ATG101: variants seen among roughly 807,000 people sequenced by gnomAD.
The protein encoded by ATG101 is autophagy related 101.
A neutral mutation model predicts 16.7 loss-of-function variants in ATG101; 6 were observed. That is an observed-to-expected ratio of 0.36 (90% CI 0.20 to 0.71). The LOEUF is 0.71. ATG101 is among the 30% of genes least tolerant of loss of function. ATG101 has a pLI of 0.57. For missense variants in ATG101, 200 were observed against 292.5 expected, an observed-to-expected ratio of 0.68 and a Z score of 2.31; for synonymous variants, 108 against 118.1, an observed-to-expected ratio of 0.91 and a Z score of 0.56.
At chr12:52,076,437 G>A (rs527834682) in intron 3 of ATG101, among the ~76,000 whole-genome samples, 3 of 152,222 alleles carry the variant, frequency 2.0e-5, no homozygotes, top group Non-Finnish European at 4.4e-5. Context: ...CTTGGTGAAA[G>A]CTGATGGGGT....
rs1176527903 is a variant in ATG101 at position 52,077,349 on chromosome 12, C to T, written c.*159C>T. ...TTCTTGGTTTTGTGGTTGCCAGCCT[C>T]AGGTCATCCTTTTAATCTTTGCTGA... On this transcript the variant is annotated 3_prime_UTR_variant, in exon 4 of 4. Transcript: ENST00000336854. 2.5e-6 allele frequency: 2 copies of T among 787,176 alleles called. No individual in the cohort carries two copies. The highest frequency in any genetic ancestry group is 3.9e-6 in the Non-Finnish European group (2 of 507,544). The allele number at this position is 787,176 out of a possible 1,614,324, so 48.8% of individuals were successfully genotyped here.
At chr12:52,070,571 T>C (rs926817551) in intron 2 of ATG101, 88 bp downstream of exon 2, 4 of 152,398 alleles carry the variant, frequency 2.6e-5, no homozygotes, top group African/African-American at 9.6e-5. Context: ...GGGACGAGAC[T>C]TTCCAGACCC....
upstream of ATG101, among the ~76,000 whole-genome samples, chr12:52,066,240 G>C (rs1461022628): frequency 6.6e-6 from 1 of 152,166 alleles, no homozygotes; most frequent in African/African-American, 2.4e-5. Context: ...GAAAGCTGAT[G>C]GTGTCATTGC....
At chr12:52,073,477 G>T in intron 2 of ATG101, 98 bp from the exon 3 acceptor site, 3 of 755,908 alleles carry the variant, frequency 4.0e-6, no homozygotes. Context: ...TGCAGAGAAG[G>T]GCCAGTGGAG....
At chr12:52,073,976 T>G in intron 3 of ATG101, 74 bp downstream of exon 3, 2 of 1,569,250 alleles carry the variant, frequency 1.3e-6, no homozygotes, top group Non-Finnish European at 8.7e-7. Context: ...GCTCCTCCAC[T>G]CCAGCTTGGT....
At chr12:52,068,102 C>T (rs571353932), upstream of ATG101, among the ~76,000 whole-genome samples, 2 of 150,390 alleles carry the variant, frequency 1.3e-5, no homozygotes, top group Non-Finnish European at 3.0e-5. Flanking sequence ...GCTGGAGTGC[C>T]GTGGTGCAGT....
intron 3 of ATG101, among the ~76,000 whole-genome samples, chr12:52,076,511 C>G (rs1939732974): frequency 6.6e-6 from 1 of 152,160 alleles, no homozygotes; most frequent in South Asian, 2.1e-4. Context: ...TGCCTGCAGA[C>G]CAGTAGTTAT....
At chr12:52,075,865 A>T (rs1939722680) in intron 3 of ATG101, among the ~76,000 whole-genome samples, 1 of 152,210 alleles carries the variant, frequency 6.6e-6, no homozygotes, top group South Asian at 2.1e-4. Context: ...CTTAGCTCAT[A>T]AAAGAGACTG....
chr12:52,072,514 G>T (rs1052355107), intron 2 of ATG101, among the ~76,000 whole-genome samples: 1 of 152,176 alleles, frequency 6.6e-6, no homozygotes, highest in Admixed American at 6.5e-5. Flanking sequence ...TACTGTAGTG[G>T]TCTTTAACTG....
At chr12:52,073,932 G>A (rs915143859) in intron 3 of ATG101, 30 bp downstream of exon 3, 3 of 1,609,110 alleles carry the variant, frequency 1.9e-6, no homozygotes, top group East Asian at 2.2e-5. Flanking sequence ...CAAGGTAAGG[G>A]TGTGGCATAG....
chr12:52,065,498 G>A (rs1939539920), upstream of ATG101, among the ~76,000 whole-genome samples: 1 of 149,892 alleles, frequency 6.7e-6, no homozygotes, highest in Admixed American at 6.7e-5. Context: ...CACAATCCCA[G>A]TTTTTTAACC....
In ATG101 at chr12:52,073,880, G is replaced by T; in HGVS notation, c.230G>T (p.Arg77Leu). Reference sequence around the variant, plus strand: ...TCTGAGGAACTGGATCGTGCCCTGCGCAAGGTTGTTGGGGAGTTCAAGGTA... The same window carrying T: ...TCTGAGGAACTGGATCGTGCCCTGCTCAAGGTTGTTGGGGAGTTCAAGGTA... ...VSSEELDRALRKVVGEFKDAL... is the reference protein window; with the variant it reads ...VSSEELDRALLKVVGEFKDAL... The change falls in exon 3 of 4, where the codon CGC becomes CTC. Residue 77 changes from arginine to leucine, a missense_variant. Arg to Leu is a moderately radical substitution (Grantham distance 102). Transcript: ENST00000336854. 6.2e-7 allele frequency: 1 copy of T among 1,614,172 alleles called. No homozygotes were observed. The highest frequency in any genetic ancestry group is 1.1e-5 in the South Asian group (1 of 91,084).
chr12:52,069,018 A>AAAAAAAAAAAAAAC (rs1939591477), upstream of ATG101, among the ~76,000 whole-genome samples: 1 of 147,168 alleles, frequency 6.8e-6, no homozygotes. Context: ...AAAAAAAAAA[A>AAAAAAAAAAAAAAC]AAAATACTGC....
intron 2 of ATG101, among the ~76,000 whole-genome samples, chr12:52,072,418 G>C (rs1939664885): frequency 6.6e-6 from 1 of 152,240 alleles, no homozygotes; most frequent in Non-Finnish European, 1.5e-5. Flanking sequence ...CATAGAGCAA[G>C]ATGTAGATGA....
upstream of ATG101, among the ~76,000 whole-genome samples, chr12:52,068,990 C>CAAAAAAAAAAAAAA (rs869030833): frequency 1.8e-4 from 6 of 33,518 alleles, 1 homozygote; most frequent in South Asian, 1.3e-3. Flanking sequence ...GACGCCGTCT[C>CAAAAAAAAAAAAAA]AAAAAAAAAA....
upstream of ATG101, among the ~76,000 whole-genome samples, chr12:52,068,210 C>CTT (rs527347370): frequency 9.7e-5 from 13 of 134,668 alleles, no homozygotes; most frequent in South Asian, 4.8e-4. Flanking sequence ...CCACACCTGG[C>CTT]TTTTTTTTTT....
At position 52,076,894 on chromosome 12, in the gene ATG101, G is replaced by A; in HGVS notation, c.361G>A (p.Val121Met). The A allele has an allele frequency of 6.2e-7, 1 of 1,614,236 alleles. No homozygotes were observed. The highest frequency in any genetic ancestry group is 8.5e-7 in the Non-Finnish European group (1 of 1,180,044). Residue 121 changes from valine to methionine, a missense_variant, in exon 4 of 4, where the codon GTG becomes ATG. Val to Met is a conservative substitution (Grantham distance 21). Coordinates refer to ENST00000336854, the MANE Select transcript of ATG101 (RefSeq NM_021934.5). ...CTCAGACGAGTGCATCCCATGGGAA[G>A]TGTGGACGGTCAAGGTGCATGTGGT... ...PFSDECIPWE[V>M]WTVKVHVVAL...
intron 2 of ATG101, among the ~76,000 whole-genome samples, chr12:52,072,181 C>T (rs1939660793): frequency 6.6e-6 from 1 of 152,180 alleles, no homozygotes; most frequent in Non-Finnish European, 1.5e-5. Context: ...TCAAGGTAGC[C>T]ATTATTATCT....
At chr12:52,068,027 A>C (rs565922127), upstream of ATG101, among the ~76,000 whole-genome samples, 9 of 152,030 alleles carry the variant, frequency 5.9e-5, no homozygotes, top group African/African-American at 1.9e-4. Context: ...TGGGAAATAA[A>C]AGCATGTGTT....
Sources: allele counts gnomAD v4.1 joint callset (sites outside exome capture counted in the v4.1 genomes callset), GRCh38; gene constraint gnomAD v4.1.1; transcripts MANE v1.5; gene names NCBI Gene and HGNC (gene_info 2026-07-23, HGNC 2026-07-21).